Variants in SLMAP observed in about 807,000 individuals in gnomAD.
The protein encoded by SLMAP is sarcolemmal membrane-associated protein.
A neutral mutation model predicts 128.8 loss-of-function variants in SLMAP; 44 were observed. That is an observed-to-expected ratio of 0.34 (90% CI 0.27 to 0.44). The LOEUF is 0.44. Ranked by LOEUF, SLMAP falls within the 20% of genes least tolerant of loss-of-function variation. The pLI is 1.00. For synonymous variants in SLMAP, 327 were observed against 348.8 expected (o/e 0.94, Z 0.70); for missense variants, 787 against 985.3 (o/e 0.80, Z 2.69).
rs374029235 is a variant in SLMAP, at chr3:57,806,640, G to A, written c.199-24743G>A. On this transcript the variant is annotated intron_variant, in intron 2 of 24. Transcript: ENST00000671191. ...TTTTTAGTAGAGACAGGGTTTCACC[G>A]TGTTGGCCAGGCTGTTCTCGCACTC... Among the ~76,000 whole-genome samples, 211 of 151,700 alleles carry A rather than the reference G, an allele frequency of 1.4e-3. 1 individual carries two copies. The highest frequency in any genetic ancestry group is 4.4e-3 in the African/African-American group (181 of 41,372).
intron 2 of SLMAP, among the ~76,000 whole-genome samples, chr3:57,796,041 T>A (rs2086659160): frequency 6.6e-6 from 1 of 152,246 alleles, no homozygotes; most frequent in Non-Finnish European, 1.5e-5. Flanking sequence ...AAATTCATGT[T>A]GTCACTTGTG....
chr3:57,757,977 G>T, intron 2 of SLMAP, 128 bp downstream of exon 2: 1 of 740,508 alleles, frequency 1.4e-6, no homozygotes, highest in Non-Finnish European at 2.3e-6. Context: ...GCAAAGCCAC[G>T]AATCAACTGT....
chr3:57,858,025 T>C, intron 7 of SLMAP, 63 bp from the exon 8 acceptor site: 4 of 1,134,120 alleles, frequency 3.5e-6, no homozygotes, highest in Non-Finnish European at 5.3e-6. Flanking sequence ...AGCAACCTTT[T>C]TTTATATACA....
At chr3:57,917,270 G>T in intron 22 of SLMAP, 193 bp downstream of exon 22, 2 of 1,397,362 alleles carry the variant, frequency 1.4e-6, no homozygotes, top group Non-Finnish European at 1.9e-6. Flanking sequence ...TCTTCAGTAG[G>T]GTTGGTCTCA....
intron 13 of SLMAP, among the ~76,000 whole-genome samples, chr3:57,870,447 T>C (rs1297081791): frequency 6.6e-6 from 1 of 152,190 alleles, no homozygotes; most frequent in East Asian, 1.9e-4. Context: ...TGTAGTGCAT[T>C]GGTCTCTCCA....
chr3:57,883,328 G>A (rs1385957778), intron 14 of SLMAP, among the ~76,000 whole-genome samples: 29 of 152,128 alleles, frequency 1.9e-4, no homozygotes, highest in Admixed American at 1.9e-3. Context: ...TGGACAATAG[G>A]GTCCTGGGGC....
At chr3:57,779,283 A>G (rs1442921668) in intron 2 of SLMAP, among the ~76,000 whole-genome samples, 2 of 152,060 alleles carry the variant, frequency 1.3e-5, no homozygotes, top group Non-Finnish European at 2.9e-5. Flanking sequence ...TGAGGCAGGT[A>G]GATTGCTTGA....
intron 2 of SLMAP, among the ~76,000 whole-genome samples, chr3:57,791,665 CAG>C (rs1440690010): frequency 6.6e-6 from 1 of 152,028 alleles, no homozygotes; most frequent in Non-Finnish European, 1.5e-5. Context: ...TCTATTTCAA[CAG>C]AAAATCCAAA....
chr3:57,818,745 T>C (rs974912923), intron 2 of SLMAP, among the ~76,000 whole-genome samples: 6 of 152,212 alleles, frequency 3.9e-5, no homozygotes, highest in Non-Finnish European at 7.3e-5. Flanking sequence ...AAATCAGCAA[T>C]GCTTTTAAAA....
intron 15 of SLMAP, among the ~76,000 whole-genome samples, chr3:57,892,260 T>G (rs921786994): frequency 2.6e-5 from 4 of 152,186 alleles, no homozygotes; most frequent in Admixed American, 6.5e-5. Context: ...AATTTTCTTG[T>G]TTGGACTGAA....
At chr3:57,926,006 G>T in intron 24 of SLMAP, 72 bp downstream of exon 24, 1 of 1,069,988 alleles carries the variant, frequency 9.3e-7, no homozygotes, top group Non-Finnish European at 1.4e-6. Context: ...GTAATATAGT[G>T]CATGGCAAGA....
intron 17 of SLMAP, chr3:57,900,426 C>T (rs1373771530): frequency 6.6e-6 from 1 of 152,098 alleles, no homozygotes; most frequent in Non-Finnish European, 1.5e-5. Context: ...TCCCATAAAA[C>T]GTTTTTTAAA....
intron 2 of SLMAP, among the ~76,000 whole-genome samples, chr3:57,813,021 A>G (rs1207483718): frequency 3.3e-5 from 5 of 151,170 alleles, no homozygotes; most frequent in African/African-American, 1.2e-4. Context: ...TTTCTGGACC[A>G]TTTAGGGTTT....
intron 2 of SLMAP, among the ~76,000 whole-genome samples, chr3:57,778,277 T>G (rs1243015373): frequency 1.3e-5 from 2 of 152,064 alleles, no homozygotes; most frequent in Non-Finnish European, 2.9e-5. Flanking sequence ...ATAAAATTAT[T>G]CATAATATTA....
At chr3:57,761,710 G>C (rs1204887140) in intron 2 of SLMAP, among the ~76,000 whole-genome samples, 1 of 152,152 alleles carries the variant, frequency 6.6e-6, no homozygotes, top group Non-Finnish European at 1.5e-5. Flanking sequence ...TCACTTTGTG[G>C]TGACTGTTGC....
At chr3:57,862,192 C>A in intron 10 of SLMAP, 106 bp downstream of exon 10, 1 of 842,748 alleles carries the variant, frequency 1.2e-6, no homozygotes, top group African/African-American at 1.7e-5. Context: ...GTGGCGGGCG[C>A]CTGTAATCCC....
At position 57,894,204 on chromosome 3, in the gene SLMAP, C is replaced by A. The variant is rs563188743; in HGVS notation, c.1361-2307C>A. On this transcript the variant is annotated intron_variant, in intron 15 of 24. Coordinates refer to ENST00000671191, the MANE Select transcript of SLMAP (RefSeq NM_001377540.1). ...TTAAAAAGTAAATGTCCACCATGTC[C>A]CTATCCCCAAAAATAACTAATGATG... Among the ~76,000 whole-genome samples, 7 of 151,960 alleles carry A rather than the reference C, an allele frequency of 4.6e-5. No individual in the cohort carries two copies. The South Asian group carries it at 1.5e-3, about 32-fold the overall frequency.
rs975992011 is a variant in SLMAP, at chr3:57,773,050, G to A, written c.198+15201G>A. ...CTTAGCTTCAAAGGAAGCTATAAAC[G>A]ACAGCGTGTGTCATTTCAGCTTTTA... is the stretch of plus-strand genomic sequence containing the variant. On this transcript the variant is annotated intron_variant, in intron 2 of 24. Coordinates refer to ENST00000671191, the MANE Select transcript of SLMAP (RefSeq NM_001377540.1). 4.6e-5 allele frequency among the ~76,000 whole-genome samples: 7 copies of A among 152,242 alleles called. 1 individual carries two copies. Among genetic ancestry groups the A allele is most frequent in the African/African-American group, 7.2e-5 (3 of 41,554 alleles).
chr3:57,889,457 A>G (rs1018242170), intron 14 of SLMAP, among the ~76,000 whole-genome samples: 1 of 152,242 alleles, frequency 6.6e-6, no homozygotes, highest in Non-Finnish European at 1.5e-5. Flanking sequence ...CAGAATAGAT[A>G]TATCCTCTTC....
Sources: allele counts gnomAD v4.1 joint callset (sites outside exome capture counted in the v4.1 genomes callset), GRCh38; gene constraint gnomAD v4.1.1; transcripts MANE v1.5; gene names NCBI Gene and HGNC (gene_info 2026-07-23, HGNC 2026-07-21).